The following ITGBL1 variants were observed in gnomAD, a reference collection of about 807,000 sequenced individuals.
ITGBL1 encodes the protein integrin beta-like protein 1.
In ITGBL1, 51 loss-of-function variants were observed where a neutral mutation model predicts 68.5. The observed-to-expected ratio is 0.74, with a 90% CI of 0.59 to 0.94. ITGBL1 has a LOEUF of 0.94. ITGBL1 is among the 40% of genes least tolerant of loss of function. The pLI, the probability that ITGBL1 is intolerant of heterozygous loss-of-function variation, is 0.00. For missense variants in ITGBL1, 649 were observed against 647.4 expected, an observed-to-expected ratio of 1.00 and a Z score of -0.03; for synonymous variants, 209 against 227.3, an observed-to-expected ratio of 0.92 and a Z score of 0.72.
chr13:101,513,541 C>T (rs750652902), intron 2 of ITGBL1, among the ~76,000 whole-genome samples: 3 of 151,982 alleles, frequency 2.0e-5, no homozygotes, highest in Non-Finnish European at 4.4e-5. Context: ...TTTTATCCAA[C>T]GTATTATGTC....
intron 7 of ITGBL1, among the ~76,000 whole-genome samples, chr13:101,619,233 C>A (rs2031490066): frequency 6.6e-6 from 1 of 151,990 alleles, no homozygotes; most frequent in Non-Finnish European, 1.5e-5. Context: ...ATCAAAGACA[C>A]CCCTGTAATC....
chr13:101,539,913 T>C (rs1394523489), intron 2 of ITGBL1, among the ~76,000 whole-genome samples: 1 of 152,236 alleles, frequency 6.6e-6, no homozygotes, highest in Non-Finnish European at 1.5e-5. Flanking sequence ...GTTTTTTTCT[T>C]GTAAATTTGT....
intron 7 of ITGBL1, among the ~76,000 whole-genome samples, chr13:101,600,403 T>C (rs201571778): frequency 6.8e-6 from 1 of 146,692 alleles, no homozygotes; most frequent in Admixed American, 6.8e-5. Flanking sequence ...TTTGACTTCC[T>C]CTTTTCCTAA....
chr13:101,664,541 A>T (rs2033166936), intron 7 of ITGBL1, among the ~76,000 whole-genome samples: 1 of 152,214 alleles, frequency 6.6e-6, no homozygotes, highest in African/African-American at 2.4e-5. Context: ...AGGGTTAAAA[A>T]TACTGTTTAA....
intron 9 of ITGBL1, among the ~76,000 whole-genome samples, chr13:101,709,395 AAAAG>A (rs1401471015): frequency 6.2e-5 from 9 of 144,328 alleles, no homozygotes; most frequent in Non-Finnish European, 7.6e-5. Context: ...AAAAAAAAAA[AAAAG>A]AAAAGCAGGA....
chr13:101,490,922 C>T (rs2048766754), intron 2 of ITGBL1, among the ~76,000 whole-genome samples: 3 of 152,112 alleles, frequency 2.0e-5, no homozygotes, highest in South Asian at 2.1e-4. Flanking sequence ...TACTTACTGA[C>T]ATTTAGTAAA....
chr13:101,644,649 T>C (rs1219043879), intron 7 of ITGBL1, among the ~76,000 whole-genome samples: 2 of 152,206 alleles, frequency 1.3e-5, no homozygotes, highest in East Asian at 3.8e-4. Flanking sequence ...CATCCTTATA[T>C]TTACATTTAT....
intron 2 of ITGBL1, among the ~76,000 whole-genome samples, chr13:101,495,786 C>A (rs577577009): frequency 1.8e-4 from 28 of 152,146 alleles, no homozygotes; most frequent in South Asian, 6.2e-4. Flanking sequence ...CTGTCTGGGA[C>A]CTGGTAAGGA....
chr13:101,644,582 C>A (rs140845740), intron 7 of ITGBL1, among the ~76,000 whole-genome samples: 196 of 152,142 alleles, frequency 1.3e-3, no homozygotes, highest in Middle Eastern at 3.4e-3. Context: ...ACAAAAGCTG[C>A]CAAATAAAGA....
intron 6 of ITGBL1, among the ~76,000 whole-genome samples, chr13:101,597,254 A>G (rs1010882105): frequency 6.6e-6 from 1 of 152,044 alleles, no homozygotes; most frequent in African/African-American, 2.4e-5. Flanking sequence ...TCTTAAAAGA[A>G]TATGTACTCT....
intron 3 of ITGBL1, among the ~76,000 whole-genome samples, chr13:101,573,265 G>A (rs917371995): frequency 6.6e-6 from 1 of 152,134 alleles, no homozygotes; most frequent in Non-Finnish European, 1.5e-5. Flanking sequence ...TTTATGAATT[G>A]AGTTAGCTTT....
At chr13:101,708,334 C>T (rs1234656968) in intron 9 of ITGBL1, among the ~76,000 whole-genome samples, 1 of 152,134 alleles carries the variant, frequency 6.6e-6, no homozygotes, top group East Asian at 1.9e-4. Flanking sequence ...CAGCTCTCCT[C>T]TTCAGCTCAG....
intron 6 of ITGBL1, among the ~76,000 whole-genome samples, chr13:101,597,290 C>T (rs542248104): frequency 6.6e-6 from 1 of 152,036 alleles, no homozygotes; most frequent in Non-Finnish European, 1.5e-5. Context: ...TTAGCGTGCT[C>T]TATAAATGTT....
intron 8 of ITGBL1, 51 bp downstream of exon 8, chr13:101,692,752 C>A: frequency 1.7e-6 from 2 of 1,146,492 alleles, no homozygotes; most frequent in Non-Finnish European, 2.6e-6. Context: ...CTTGCTTTAC[C>A]TGCCTTTGTT....
intron 2 of ITGBL1, among the ~76,000 whole-genome samples, chr13:101,529,148 A>T (rs1594868499): frequency 6.6e-6 from 1 of 152,068 alleles, no homozygotes; most frequent in East Asian, 1.9e-4. Flanking sequence ...CCGAAGTTGA[A>T]AGTAGAAAAA....
At chr13:101,587,467 G>A (rs573982732) in intron 6 of ITGBL1, among the ~76,000 whole-genome samples, 2 of 152,226 alleles carry the variant, frequency 1.3e-5, no homozygotes, top group South Asian at 4.2e-4. Flanking sequence ...GCATGAATGG[G>A]CATCCTGACG....
intron 3 of ITGBL1, among the ~76,000 whole-genome samples, chr13:101,573,695 A>G (rs2050309242): frequency 6.6e-6 from 1 of 152,158 alleles, no homozygotes; most frequent in Non-Finnish European, 1.5e-5. Context: ...TAGAAATGAA[A>G]GCAATGCCTT....
At chr13:101,531,791 G>T (rs535829166) in intron 2 of ITGBL1, among the ~76,000 whole-genome samples, 1 of 151,348 alleles carries the variant, frequency 6.6e-6, no homozygotes, top group Non-Finnish European at 1.5e-5. Context: ...GGGGTGCAGT[G>T]GTGCGATCTT....
intron 2 of ITGBL1, among the ~76,000 whole-genome samples, chr13:101,460,489 G>A (rs760667085): frequency 6.6e-6 from 1 of 152,204 alleles, no homozygotes; most frequent in Non-Finnish European, 1.5e-5. Flanking sequence ...CCCAAGTGAC[G>A]TATAAAAGTT....
Sources: allele counts gnomAD v4.1 joint callset (sites outside exome capture counted in the v4.1 genomes callset), GRCh38; gene constraint gnomAD v4.1.1; transcripts MANE v1.5; gene names NCBI Gene and HGNC (gene_info 2026-07-23, HGNC 2026-07-21).